RAB3GAP2: variants seen among roughly 807,000 people sequenced by gnomAD.
RAB3GAP2 encodes rab3 GTPase-activating protein non-catalytic subunit.
RAB3GAP2 carries 87 observed loss-of-function variants against 185.3 expected under a neutral mutation model. That is an observed-to-expected ratio of 0.47 (90% CI 0.39 to 0.56). The LOEUF (loss-of-function observed/expected upper bound fraction) is 0.56, where lower values mean the gene tolerates loss of function less well. Among genes scored for constraint, RAB3GAP2 ranks in the 20% least tolerant of loss-of-function variants. The pLI is 0.00. For synonymous variants in RAB3GAP2, 554 were observed against 576.1 expected, an observed-to-expected ratio of 0.96 and a Z score of 0.55; for missense variants, 1,492 against 1,638.2, an observed-to-expected ratio of 0.91 and a Z score of 1.54.
At chr1:220,165,695 T>G (rs1658049849) in intron 26 of RAB3GAP2, among the ~76,000 whole-genome samples, 1 of 152,248 alleles carries the variant, frequency 6.6e-6, no homozygotes, top group African/African-American at 2.4e-5. Flanking sequence ...TAAGCAACAT[T>G]AATGATACTG....
chr1:220,182,230 A>T (rs1346046992), intron 21 of RAB3GAP2, 27 bp downstream of exon 21: 1 of 1,613,934 alleles, frequency 6.2e-7, no homozygotes, highest in East Asian at 2.2e-5. Context: ...AAGGAAGAAC[A>T]GCATCCAGCA....
At chr1:220,167,818 T>A in intron 24 of RAB3GAP2, 143 bp from the exon 25 acceptor site, 2 of 891,876 alleles carry the variant, frequency 2.2e-6, no homozygotes, top group Non-Finnish European at 3.6e-6. Flanking sequence ...GCCATGAGAT[T>A]TACAGCAGTG....
chr1:220,160,197 A>C (rs183340293), intron 28 of RAB3GAP2, among the ~76,000 whole-genome samples: 29 of 152,334 alleles, frequency 1.9e-4, no homozygotes, highest in African/African-American at 7.0e-4. Context: ...CTTACGCAAT[A>C]AGTACTTATT....
chr1:220,208,204 C>T lies in RAB3GAP2; in HGVS notation c.612+2184G>A, dbSNP rs528765687. On this transcript the variant is annotated intron_variant, in intron 7 of 34. Coordinates refer to ENST00000358951, the MANE Select transcript of RAB3GAP2 (RefSeq NM_012414.4). ...GTATTACAGACATGACCAAATTTAA[C>T]GTATTTTAAAAAGCTTCGTCATCCA... is the stretch of plus-strand genomic sequence containing the variant. 6 of 152,236 alleles carry T rather than the reference C, an allele frequency of 3.9e-5. No homozygotes were observed. The East Asian group carries it at 7.7e-4, about 20-fold the overall frequency. The allele number at this position is 152,236 out of a possible 1,614,324, so 9.4% of individuals were successfully genotyped here.
chr1:220,176,794 A>G (rs1243291249), intron 21 of RAB3GAP2, among the ~76,000 whole-genome samples: 2 of 152,078 alleles, frequency 1.3e-5, no homozygotes, highest in Admixed American at 6.5e-5. Flanking sequence ...GAACTATCCT[A>G]TCTGTGCAGG....
In RAB3GAP2 at chr1:220,162,683, A is replaced by G. The variant is rs1279731991; in HGVS notation, c.3155-415T>C. ...TAATAATTTGGTAAAACCACAGGGA[A>G]AACTGCTGGGTGGTAGCTACTGAAG... On this transcript the variant is annotated intron_variant, in intron 27 of 34. Transcript: ENST00000358951. Among the ~76,000 whole-genome samples the G allele has an allele frequency of 5.3e-5, 8 of 152,206 alleles. No individual in the cohort carries two copies. In the South Asian group the frequency reaches 1.2e-3, roughly 24 times the overall value.
In RAB3GAP2 at chr1:220,156,513, G is replaced by A. The variant is rs367622885; in HGVS notation, c.3555+757C>T. Among the ~76,000 whole-genome samples the A allele has an allele frequency of 2.6e-5, 4 of 151,850 alleles. No homozygotes were observed. In the East Asian group the frequency reaches 5.8e-4, roughly 22 times the overall value. ...CAAATTTGGACTTGATCCTGCAGAG[G>A]AGCCAAAAAAAATCTTAGGTATAGA... On this transcript the variant is annotated intron_variant, in intron 31 of 34. Coordinates refer to ENST00000358951, the MANE Select transcript of RAB3GAP2 (RefSeq NM_012414.4).
intron 8 of RAB3GAP2, among the ~76,000 whole-genome samples, chr1:220,203,368 A>T (rs1021425480): frequency 1.3e-5 from 2 of 152,212 alleles, no homozygotes; most frequent in Non-Finnish European, 2.9e-5. Context: ...GAAAAATAAT[A>T]ATAAAGAAAA....
chr1:220,153,158 AATTAAC>A, intron 33 of RAB3GAP2, 21 bp downstream of exon 33: 1 of 1,531,334 alleles, frequency 6.5e-7, no homozygotes, highest in Non-Finnish European at 9.0e-7. Flanking sequence ...ACTTGAGCCC[AATTAAC>A]ATTCAAAGGG....
intron 23 of RAB3GAP2, 71 bp from the exon 24 acceptor site, chr1:220,171,191 C>G: frequency 1.5e-6 from 2 of 1,343,306 alleles, no homozygotes; most frequent in Non-Finnish European, 2.1e-6. Context: ...GAGCTTTTAA[C>G]TTGAAAGCTG....
chr1:220,242,965 A>G (rs1192775211), intron 1 of RAB3GAP2, among the ~76,000 whole-genome samples: 1 of 152,198 alleles, frequency 6.6e-6, no homozygotes, highest in African/African-American at 2.4e-5. Context: ...CAGAAAATAC[A>G]CTGACTTAGA....
intron 7 of RAB3GAP2, chr1:220,207,910 TAC>T (rs1658999817): frequency 6.6e-6 from 1 of 152,248 alleles, no homozygotes; most frequent in African/African-American, 2.4e-5. Flanking sequence ...TCACCCGTAC[TAC>T]ACTCATTGCT....
intron 28 of RAB3GAP2, 122 bp downstream of exon 28, chr1:220,162,076 G>T: frequency 1.3e-6 from 1 of 770,320 alleles, no homozygotes; most frequent in Non-Finnish European, 2.2e-6. Flanking sequence ...AACTGAGTAT[G>T]AGTAAAATCT....
chr1:220,253,930 G>A (rs535484618), intron 1 of RAB3GAP2: 2 of 1,613,746 alleles, frequency 1.2e-6, no homozygotes, highest in Admixed American at 1.7e-5. Context: ...ACCTGGAAAT[G>A]GAGATGGTGG....
intron 1 of RAB3GAP2, among the ~76,000 whole-genome samples, chr1:220,263,929 T>A (rs1376300689): frequency 6.6e-6 from 1 of 152,116 alleles, no homozygotes; most frequent in African/African-American, 2.4e-5. Flanking sequence ...AAAAAATATG[T>A]AATTTCTGTT....
chr1:220,165,061 C>T (rs555291323), intron 26 of RAB3GAP2, among the ~76,000 whole-genome samples: 1 of 151,804 alleles, frequency 6.6e-6, no homozygotes, highest in East Asian at 1.9e-4. Flanking sequence ...GTGGTTTGAA[C>T]ATCATAGCAA....
At chr1:220,259,009 G>A (rs906291335) in intron 1 of RAB3GAP2, among the ~76,000 whole-genome samples, 6 of 152,082 alleles carry the variant, frequency 3.9e-5, no homozygotes, top group Admixed American at 3.3e-4. Flanking sequence ...AAAATATCTA[G>A]GAACACAGCT....
intron 1 of RAB3GAP2, among the ~76,000 whole-genome samples, chr1:220,239,796 C>T (rs1659657121): frequency 6.6e-6 from 1 of 152,026 alleles, no homozygotes; most frequent in Admixed American, 6.5e-5. Flanking sequence ...CACACACGTG[C>T]ACACACAATG....
intron 1 of RAB3GAP2, among the ~76,000 whole-genome samples, chr1:220,258,785 G>A (rs889912172): frequency 6.6e-6 from 1 of 152,172 alleles, no homozygotes; most frequent in East Asian, 1.9e-4. Flanking sequence ...CAGGAAGAGA[G>A]GAGTCAAATT....
Sources: allele counts gnomAD v4.1 joint callset (sites outside exome capture counted in the v4.1 genomes callset), GRCh38; gene constraint gnomAD v4.1.1; transcripts MANE v1.5; gene names NCBI Gene and HGNC (gene_info 2026-07-23, HGNC 2026-07-21).